The following RPH3A variants were observed in gnomAD, a reference collection of about 807,000 sequenced individuals.
RPH3A encodes the protein rabphilin 3A.
RPH3A carries 48 observed loss-of-function variants against 102.2 expected under a neutral mutation model. The observed-to-expected ratio is 0.47, with a 90% CI of 0.37 to 0.60. RPH3A has a LOEUF of 0.60. RPH3A is among the 20% of genes least tolerant of loss of function. The pLI is 0.00. For synonymous variants in RPH3A, 310 were observed against 324.3 expected (o/e 0.96, Z 0.47); for missense variants, 781 against 910.1 (o/e 0.86, Z 1.83).
intron 5 of RPH3A, among the ~76,000 whole-genome samples, chr12:112,854,637 C>T (rs555933110): frequency 2.0e-5 from 3 of 152,028 alleles, no homozygotes; most frequent in Non-Finnish European, 4.4e-5. Context: ...AAATATTTAT[C>T]TCCAAGCCCT....
chr12:112,854,984 A>G (rs1224733069), intron 5 of RPH3A, among the ~76,000 whole-genome samples: 1 of 151,904 alleles, frequency 6.6e-6, no homozygotes, highest in Non-Finnish European at 1.5e-5. Flanking sequence ...TGAACAGTTC[A>G]TTCCTCTTTA....
intron 1 of RPH3A, among the ~76,000 whole-genome samples, chr12:112,668,866 C>T (rs1479760960): frequency 6.6e-6 from 1 of 152,106 alleles, no homozygotes; most frequent in African/African-American, 2.4e-5. Context: ...AGTGCAGCAT[C>T]CTCAATGCTG....
intron 2 of RPH3A, among the ~76,000 whole-genome samples, chr12:112,809,655 T>G (rs573078500): frequency 4.1e-4 from 62 of 151,794 alleles, no homozygotes; most frequent in Non-Finnish European, 2.2e-4. Context: ...GGGAAGAGAG[T>G]ACAATTATAA....
At chr12:112,634,871 T>C (rs1336812372) in intron 1 of RPH3A, among the ~76,000 whole-genome samples, 1 of 152,238 alleles carries the variant, frequency 6.6e-6, no homozygotes, top group African/African-American at 2.4e-5. Flanking sequence ...GACAGCATCT[T>C]AGACTCAGAG....
intron 1 of RPH3A, among the ~76,000 whole-genome samples, chr12:112,719,571 G>A (rs1435517676): frequency 6.6e-6 from 1 of 152,180 alleles, no homozygotes; most frequent in African/African-American, 2.4e-5. Context: ...CTCCATGAGG[G>A]CAGGGACCAT....
At chr12:112,749,849 G>C (rs2040774253) in intron 1 of RPH3A, among the ~76,000 whole-genome samples, 1 of 152,150 alleles carries the variant, frequency 6.6e-6, no homozygotes, top group Non-Finnish European at 1.5e-5. Flanking sequence ...TAAAAACCCT[G>C]ATTCACCATG....
At chr12:112,704,364 A>G (rs2040414489) in intron 1 of RPH3A, among the ~76,000 whole-genome samples, 2 of 152,186 alleles carry the variant, frequency 1.3e-5, no homozygotes, top group African/African-American at 4.8e-5. Context: ...TGCTGGGATT[A>G]CAGGCATCAG....
intron 1 of RPH3A, among the ~76,000 whole-genome samples, chr12:112,720,806 C>T (rs1464958984): frequency 6.6e-6 from 1 of 152,078 alleles, no homozygotes; most frequent in Non-Finnish European, 1.5e-5. Context: ...CATGGTTGAG[C>T]CTGAAGTCAA....
intron 1 of RPH3A, among the ~76,000 whole-genome samples, chr12:112,785,785 C>T (rs1028795536): frequency 1.3e-5 from 2 of 152,178 alleles, no homozygotes; most frequent in Non-Finnish European, 2.9e-5. Flanking sequence ...CAGCCTAGCT[C>T]TAGAACCTGG....
At chr12:112,736,243 C>T (rs1032003859) in intron 1 of RPH3A, among the ~76,000 whole-genome samples, 5 of 152,208 alleles carry the variant, frequency 3.3e-5, no homozygotes, top group Admixed American at 3.3e-4. Flanking sequence ...CCAGTTGTGA[C>T]AACTGAAACT....
At chr12:112,766,058 G>A (rs1214539473) in intron 1 of RPH3A, among the ~76,000 whole-genome samples, 2 of 152,036 alleles carry the variant, frequency 1.3e-5, no homozygotes, top group East Asian at 3.9e-4. Flanking sequence ...GCTTGTATTT[G>A]ATCCTTCATG....
At chr12:112,694,624 ACACACGCACGCGCGCGCGCG>A (rs1289121764) in intron 1 of RPH3A, among the ~76,000 whole-genome samples, 8 of 141,398 alleles carry the variant, frequency 5.7e-5, no homozygotes, top group Non-Finnish European at 1.1e-4. Flanking sequence ...AGAGACAAAG[ACACACGCACGCGCGCGCGCG>A]CACACGCACA....
At chr12:112,597,340 T>C (rs996320263) in intron 1 of RPH3A, among the ~76,000 whole-genome samples, 2 of 152,170 alleles carry the variant, frequency 1.3e-5, no homozygotes, top group Admixed American at 1.3e-4. Flanking sequence ...CCCAGCATTT[T>C]GGGGGGCTGA....
At chr12:112,758,052 C>A (rs946376398) in intron 1 of RPH3A, among the ~76,000 whole-genome samples, 3 of 152,126 alleles carry the variant, frequency 2.0e-5, no homozygotes, top group African/African-American at 7.2e-5. Context: ...TGCTGTATAC[C>A]TCTCCCCTCT....
chr12:112,862,078 G>T (rs2042527288), intron 5 of RPH3A, among the ~76,000 whole-genome samples: 1 of 151,726 alleles, frequency 6.6e-6, no homozygotes, highest in Non-Finnish European at 1.5e-5. Flanking sequence ...CCAATGCTTT[G>T]GGAAGCTAAG....
intron 1 of RPH3A, among the ~76,000 whole-genome samples, chr12:112,578,589 C>T (rs1008441107): frequency 4.6e-5 from 7 of 152,188 alleles, no homozygotes; most frequent in South Asian, 2.1e-4. Flanking sequence ...AAACATGGCC[C>T]GAGAAGGACT....
chr12:112,774,063 C>CAA (rs11375355), intron 1 of RPH3A, among the ~76,000 whole-genome samples: 3,383 of 108,108 alleles, frequency 0.031, 146 homozygotes, highest in East Asian at 0.056. Flanking sequence ...CCAGCCTGGG[C>CAA]AAAAAAAAAA....
At chr12:112,689,013 C>T (rs2136020876) in intron 1 of RPH3A, among the ~76,000 whole-genome samples, 1 of 152,322 alleles carries the variant, frequency 6.6e-6, no homozygotes, top group Admixed American at 6.5e-5. Flanking sequence ...GACTTGCTAT[C>T]ATCAACTCCA....
At chr12:112,656,638 G>A (rs749220415) in intron 1 of RPH3A, among the ~76,000 whole-genome samples, 11 of 152,076 alleles carry the variant, frequency 7.2e-5, no homozygotes, top group Non-Finnish European at 1.2e-4. Flanking sequence ...TGTACTCATC[G>A]TTTAGCTCCC....
Sources: gnomAD v4.1 joint callset for allele counts (sites outside exome capture counted in the v4.1 genomes callset) on GRCh38, gnomAD v4.1.1 for gene constraint, MANE v1.5 for transcripts, NCBI Gene and HGNC (gene_info 2026-07-23, HGNC 2026-07-21) for gene names.